PDGFC: variants seen among roughly 807,000 people sequenced by gnomAD.
PDGFC encodes the protein platelet-derived growth factor C.
A neutral mutation model predicts 35.5 loss-of-function variants in PDGFC; 12 were observed. That is an observed-to-expected ratio of 0.34 (90% CI 0.22 to 0.55). PDGFC has a LOEUF of 0.55. Ranked by LOEUF, PDGFC falls within the 20% of genes least tolerant of loss-of-function variation. The pLI is 0.91. For missense variants in PDGFC, 322 were observed against 412.4 expected (o/e 0.78, Z 1.90); for synonymous variants, 159 against 148.8 (o/e 1.07, Z -0.50).
intron 1 of PDGFC, among the ~76,000 whole-genome samples, chr4:156,934,042 G>A (rs2110885947): frequency 6.6e-6 from 1 of 152,320 alleles, no homozygotes; most frequent in Admixed American, 6.5e-5. Context: ...ATGTGTGTTA[G>A]ATAAGCTTCC....
chr4:156,843,080 T>C (rs985987707), intron 2 of PDGFC, among the ~76,000 whole-genome samples: 1 of 152,160 alleles, frequency 6.6e-6, no homozygotes, highest in African/African-American at 2.4e-5. Context: ...TTTGTGTCCT[T>C]GCAAAACTCA....
At chr4:156,921,656 A>C (rs1254955706) in intron 1 of PDGFC, among the ~76,000 whole-genome samples, 2 of 152,172 alleles carry the variant, frequency 1.3e-5, no homozygotes, top group African/African-American at 4.8e-5. Flanking sequence ...CTTTTAGCTG[A>C]GTAATATTAT....
rs1730417976 is a variant in PDGFC, at chr4:156,763,003, T to A, written c.*87A>T. 5 of 728,652 alleles carry A rather than the reference T, an allele frequency of 6.9e-6. No homozygotes were observed. In the South Asian group the frequency reaches 7.8e-5, roughly 11 times the overall value. 45.1% of individuals were successfully genotyped at this position (728,652 alleles called of 1,614,324 possible). A position where few individuals can be genotyped will look rare whatever the true frequency, so the allele number is the denominator to read the frequency against. On this transcript the variant is annotated 3_prime_UTR_variant, in exon 6 of 6. Transcript: ENST00000502773. ...GGTCCTTGAAGCAAACAACTGAGAT[T>A]AAGGATGGAGATAACGCATACGTTC...
intron 1 of PDGFC, among the ~76,000 whole-genome samples, chr4:156,863,947 T>C (rs534357047): frequency 5.9e-5 from 9 of 152,290 alleles, no homozygotes; most frequent in South Asian, 4.1e-4. Context: ...CTGCGCATAA[T>C]TTAATTAATA....
intron 1 of PDGFC, chr4:156,967,754 A>G (rs1253334929): frequency 6.6e-6 from 1 of 152,174 alleles, no homozygotes; most frequent in African/African-American, 2.4e-5. Flanking sequence ...ATCTAAAACC[A>G]GTGTGCACAA....
chr4:156,824,315 T>TACAC lies in PDGFC; in HGVS notation c.315-13299_315-13298insGTGT, dbSNP rs1315420411. Among the ~76,000 whole-genome samples, 187 of 48,264 alleles carry TACAC rather than the reference T, an allele frequency of 3.9e-3. 8 individuals carry two copies. Among genetic ancestry groups the TACAC allele is most frequent in the East Asian group, 0.038 (99 of 2,638 alleles). The allele number at this position is 48,264 out of a possible 152,430, so 31.7% of individuals were successfully genotyped here. A position where few individuals can be genotyped will look rare whatever the true frequency, so the allele number is the denominator to read the frequency against. ...ATATATATATATATATATATATATATATATATATATATACACACACACACA... is the reference window on the plus strand; with the variant it reads ...ATATATATATATATATATATATATATACACATATATATATATACACACACACACA... On this transcript the variant is annotated intron_variant, in intron 2 of 5. Coordinates refer to ENST00000502773, the MANE Select transcript of PDGFC (RefSeq NM_016205.3).
At chr4:156,788,431 A>G (rs1731189338) in intron 3 of PDGFC, among the ~76,000 whole-genome samples, 1 of 152,194 alleles carries the variant, frequency 6.6e-6, no homozygotes, top group South Asian at 2.1e-4. Flanking sequence ...ATAAAAGTTT[A>G]TAATAATTAA....
intron 1 of PDGFC, among the ~76,000 whole-genome samples, chr4:156,954,244 G>T (rs1420388602): frequency 6.6e-6 from 1 of 151,886 alleles, no homozygotes; most frequent in Non-Finnish European, 1.5e-5. Flanking sequence ...CAGAACTAAG[G>T]ACTATTTAGT....
chr4:156,927,281 C>A (rs755904838), intron 1 of PDGFC, among the ~76,000 whole-genome samples: 1 of 152,078 alleles, frequency 6.6e-6, no homozygotes, highest in Non-Finnish European at 1.5e-5. Flanking sequence ...TATGACATGC[C>A]CTGGAGACAT....
intron 1 of PDGFC, among the ~76,000 whole-genome samples, chr4:156,852,152 T>A (rs1229598336): frequency 1.3e-5 from 2 of 152,136 alleles, no homozygotes; most frequent in Admixed American, 1.3e-4. Flanking sequence ...AACTTTTATA[T>A]ACTCATAATA....
chr4:156,836,879 A>G (rs770364100), intron 2 of PDGFC, among the ~76,000 whole-genome samples: 8 of 152,204 alleles, frequency 5.3e-5, no homozygotes, highest in African/African-American at 7.2e-5. Flanking sequence ...AAAACAATCA[A>G]TCAGTCAGTT....
At chr4:156,794,345 G>T (rs1272385656) in intron 3 of PDGFC, among the ~76,000 whole-genome samples, 1 of 152,026 alleles carries the variant, frequency 6.6e-6, no homozygotes, top group Non-Finnish European at 1.5e-5. Flanking sequence ...ACTTACAGAA[G>T]AATTTAAAAA....
intron 1 of PDGFC, among the ~76,000 whole-genome samples, chr4:156,895,923 G>A (rs1446164974): frequency 1.3e-5 from 2 of 152,008 alleles, no homozygotes; most frequent in African/African-American, 4.8e-5. Context: ...AACATTAATG[G>A]TGCTAAAAAA....
At chr4:156,777,083 G>C (rs1560806990) in intron 3 of PDGFC, among the ~76,000 whole-genome samples, 1 of 151,854 alleles carries the variant, frequency 6.6e-6, no homozygotes, top group African/African-American at 2.4e-5. Context: ...TAGCAGATGA[G>C]TGAGTTTTGG....
At chr4:156,813,250 T>G (rs566314857) in intron 2 of PDGFC, among the ~76,000 whole-genome samples, 1 of 152,164 alleles carries the variant, frequency 6.6e-6, no homozygotes, top group East Asian at 1.9e-4. Context: ...GCTTGGGAGG[T>G]GAGCCTGTGT....
At chr4:156,791,004 AT>A (rs1429012641) in intron 3 of PDGFC, among the ~76,000 whole-genome samples, 5 of 152,088 alleles carry the variant, frequency 3.3e-5, no homozygotes, top group Non-Finnish European at 7.3e-5. Context: ...ACCACCAGGG[AT>A]TTTTCCTAGG....
intron 1 of PDGFC, among the ~76,000 whole-genome samples, chr4:156,925,489 A>G (rs1009962261): frequency 5.3e-5 from 8 of 152,232 alleles, no homozygotes; most frequent in Admixed American, 4.6e-4. Flanking sequence ...AACTCTGCAC[A>G]TGGTACTGGC....
chr4:156,971,380 T>G lies in PDGFC; in HGVS notation c.-477A>C. 1 of 365,748 alleles carries G rather than the reference T, an allele frequency of 2.7e-6. No homozygotes were observed. The highest frequency in any genetic ancestry group is 4.9e-6 in the Non-Finnish European group (1 of 205,960). 22.7% of individuals were successfully genotyped at this position (365,748 alleles called of 1,614,324 possible). ...GATCAATAACAAAGCTGCCAATAGATGCGGCTCTCCGGGCGCCCCTCTCCC... is the reference window on the plus strand; with the variant it reads ...GATCAATAACAAAGCTGCCAATAGAGGCGGCTCTCCGGGCGCCCCTCTCCC... On this transcript the variant is annotated 5_prime_UTR_variant, in exon 1 of 6. Coordinates refer to ENST00000502773, the MANE Select transcript of PDGFC (RefSeq NM_016205.3).
intron 1 of PDGFC, among the ~76,000 whole-genome samples, chr4:156,965,665 T>C (rs1183478430): frequency 6.6e-6 from 1 of 151,976 alleles, no homozygotes; most frequent in Non-Finnish European, 1.5e-5. Context: ...GAGTGTGCCA[T>C]GTCCACCATC....
Sources: allele counts gnomAD v4.1 joint callset (sites outside exome capture counted in the v4.1 genomes callset), GRCh38; gene constraint gnomAD v4.1.1; transcripts MANE v1.5; gene names NCBI Gene and HGNC (gene_info 2026-07-23, HGNC 2026-07-21).